MAMLD1: variants seen among roughly 807,000 people sequenced by gnomAD.
The protein encoded by MAMLD1 is mastermind like domain containing 1.
MAMLD1 carries 14 observed loss-of-function variants against 45.0 expected under a neutral mutation model. The observed-to-expected ratio is 0.31, with a 90% CI of 0.21 to 0.49. The LOEUF (loss-of-function observed/expected upper bound fraction) is 0.49, where lower values mean the gene tolerates loss of function less well. Ranked by LOEUF, MAMLD1 falls within the 20% of genes least tolerant of loss-of-function variation. The pLI, the probability that MAMLD1 is intolerant of heterozygous loss-of-function variation, is 0.99. For missense variants in MAMLD1, 543 were observed against 603.6 expected (o/e 0.90, Z 1.05); for synonymous variants, 254 against 247.8 (o/e 1.02, Z -0.24).
At chrX:150,478,732 C>T (rs1003436445) in intron 5 of MAMLD1, among the ~76,000 whole-genome samples, 40 of 112,304 alleles carry the variant, frequency 3.6e-4, no homozygotes, top group African/African-American at 1.3e-3. Context: ...CTGCCCTGTG[C>T]GTATTCTCTG....
intron 6 of MAMLD1, among the ~76,000 whole-genome samples, chrX:150,508,017 C>G (rs1454148773): frequency 3.6e-5 from 4 of 112,520 alleles, no homozygotes; most frequent in Non-Finnish European, 7.5e-5. Flanking sequence ...AGCACCTGGT[C>G]TGCAGTTAGG....
intron 1 of MAMLD1, among the ~76,000 whole-genome samples, chrX:150,388,018 T>C (rs1400961544): frequency 8.9e-6 from 1 of 112,140 alleles, no homozygotes; most frequent in Non-Finnish European, 1.9e-5. Context: ...TTGTCTTGTT[T>C]TGGTATCAGA....
rs180685563 is a variant in MAMLD1, at chrX:150,462,483, T to C, written c.97-289T>C. On this transcript the variant is annotated intron_variant, in intron 2 of 7. Transcript: ENST00000370401. ...CCTGGTAGTACTCTCTAATAGAATA[T>C]GTCAATAAGCACAGCTCATTTGACC... is the stretch of plus-strand genomic sequence containing the variant. Among the ~76,000 whole-genome samples the C allele has an allele frequency of 4.5e-5, 5 of 112,048 alleles. No homozygotes were observed. The East Asian group carries it at 1.4e-3, about 32-fold the overall frequency.
intron 1 of MAMLD1, among the ~76,000 whole-genome samples, chrX:150,369,229 A>G (rs1557400903): frequency 9.0e-6 from 1 of 110,715 alleles, no homozygotes; most frequent in African/African-American, 3.3e-5. Context: ...TGTGTTCTAG[A>G]AAGTTCTGCC....
rs149327909 is a variant in MAMLD1 at position 150,393,741 on chromosome X, G to A, written c.-64+30211G>A. On this transcript the variant is annotated intron_variant, in intron 1 of 7. Coordinates refer to ENST00000370401, the MANE Select transcript of MAMLD1 (RefSeq NM_005491.5). Reference sequence around the variant, plus strand: ...TTGCCATTTGTGTATCTTCTTTGATGAGATGTCTGTTCAAGCCTTTGGCCC... The same window carrying A: ...TTGCCATTTGTGTATCTTCTTTGATAAGATGTCTGTTCAAGCCTTTGGCCC... Among the ~76,000 whole-genome samples the A allele has an allele frequency of 5.1e-3, 567 of 112,238 alleles. 2 individuals carry two copies. Among genetic ancestry groups the A allele is most frequent in the African/African-American group, 0.018 (547 of 30,946 alleles).
intron 2 of MAMLD1, among the ~76,000 whole-genome samples, chrX:150,448,667 G>T (rs2035567790): frequency 8.9e-6 from 1 of 112,411 alleles, no homozygotes; most frequent in South Asian, 3.7e-4. Context: ...TCTGCACTTA[G>T]TGTATGGAGT....
intron 1 of MAMLD1, among the ~76,000 whole-genome samples, chrX:150,367,186 T>C (rs2031533972): frequency 9.4e-6 from 1 of 106,180 alleles, no homozygotes; most frequent in African/African-American, 3.5e-5. Context: ...CCACTGACGC[T>C]GACAGTGACA....
chrX:150,486,804 AAATTTC>A (rs1557407647), intron 5 of MAMLD1, among the ~76,000 whole-genome samples: 1 of 111,853 alleles, frequency 8.9e-6, no homozygotes. Context: ...AAAGAAAAAA[AAATTTC>A]AATTGGGAAA....
intron 6 of MAMLD1, among the ~76,000 whole-genome samples, chrX:150,505,890 G>A (rs1277642286): frequency 8.9e-6 from 1 of 112,726 alleles, no homozygotes; most frequent in African/African-American, 3.2e-5. Context: ...AGATAGCAGT[G>A]TGTATGTTGT....
At chrX:150,502,845 G>C (rs2037603499) in intron 5 of MAMLD1, among the ~76,000 whole-genome samples, 2 of 110,156 alleles carry the variant, frequency 1.8e-5, no homozygotes, top group African/African-American at 6.6e-5. Flanking sequence ...GGGTGGGGTA[G>C]GGTGGGATCA....
intron 4 of MAMLD1, 120 bp from the exon 5 acceptor site, chrX:150,473,560 C>T: frequency 1.5e-6 from 1 of 661,337 alleles, no homozygotes; most frequent in South Asian, 2.2e-5. Flanking sequence ...AGCAGAGCTC[C>T]CATGGGGGTG....
chrX:150,417,137 T>C (rs1426518032), intron 1 of MAMLD1, among the ~76,000 whole-genome samples: 2 of 110,825 alleles, frequency 1.8e-5, no homozygotes, highest in Non-Finnish European at 3.8e-5. Context: ...ATGAGGTATA[T>C]CTCCCAATGC....
At chrX:150,364,944 G>A (rs988764591) in intron 1 of MAMLD1, among the ~76,000 whole-genome samples, 1 of 112,093 alleles carries the variant, frequency 8.9e-6, no homozygotes, top group Non-Finnish European at 1.9e-5. Flanking sequence ...CCAGCTCTTG[G>A]CAGGCGTGGG....
intron 6 of MAMLD1, among the ~76,000 whole-genome samples, chrX:150,505,838 AT>A (rs1267008641): frequency 8.9e-6 from 1 of 112,193 alleles, no homozygotes; most frequent in Non-Finnish European, 1.9e-5. Context: ...ACTAAAGGGA[AT>A]TTTTTCCTAA....
chrX:150,435,819 A>G (rs2035106111), intron 1 of MAMLD1, among the ~76,000 whole-genome samples: 2 of 112,155 alleles, frequency 1.8e-5, no homozygotes, highest in Non-Finnish European at 3.8e-5. Context: ...TCACTGGTCT[A>G]TGTACTTAAG....
intron 1 of MAMLD1, among the ~76,000 whole-genome samples, chrX:150,414,039 A>AAAAAAAAAAAAAAAAAAAAAAC (rs2034191801): frequency 9.5e-6 from 1 of 105,068 alleles, no homozygotes; most frequent in Non-Finnish European, 2.0e-5. Context: ...AAAAAAAAAA[A>AAAAAAAAAAAAAAAAAAAAAAC]AAAAAAAAAG....
intron 1 of MAMLD1, among the ~76,000 whole-genome samples, chrX:150,429,655 A>T (rs894869885): frequency 9.0e-6 from 1 of 111,667 alleles, no homozygotes; most frequent in African/African-American, 3.2e-5. Context: ...TTTTATATAT[A>T]AATTTTTGAT....
At chrX:150,476,005 T>A (rs1171085276) in intron 5 of MAMLD1, among the ~76,000 whole-genome samples, 2 of 112,211 alleles carry the variant, frequency 1.8e-5, no homozygotes, top group African/African-American at 6.5e-5. Context: ...CAGAGAAATA[T>A]GAATATTTAA....
chrX:150,374,771 C>A (rs781790797), intron 1 of MAMLD1, among the ~76,000 whole-genome samples: 1 of 111,681 alleles, frequency 9.0e-6, no homozygotes, highest in South Asian at 3.8e-4. Flanking sequence ...GAGGAGGTTC[C>A]ACATTTGCCT....
Sources: allele counts gnomAD v4.1 joint callset (sites outside exome capture counted in the v4.1 genomes callset), GRCh38; gene constraint gnomAD v4.1.1; transcripts MANE v1.5; gene names NCBI Gene and HGNC (gene_info 2026-07-23, HGNC 2026-07-21).